Variants in ALG8 observed in about 807,000 individuals in gnomAD.
ALG8 encodes ALG8 alpha-1,3-glucosyltransferase.
In ALG8, 48 loss-of-function variants were observed where a neutral mutation model predicts 70.2. The observed-to-expected ratio is 0.68, with a 90% CI of 0.54 to 0.87. The LOEUF (loss-of-function observed/expected upper bound fraction) is 0.87, where lower values mean the gene tolerates loss of function less well. Among genes scored for constraint, ALG8 ranks in the 40% least tolerant of loss-of-function variants. ALG8 has a pLI of 0.00. For missense variants in ALG8, 572 were observed against 608.7 expected (o/e 0.94, Z 0.64); for synonymous variants, 234 against 229.0 (o/e 1.02, Z -0.20).
chr11:78,123,928 T>G, intron 3 of ALG8, 93 bp downstream of exon 3: 1 of 1,390,058 alleles, frequency 7.2e-7, no homozygotes. Context: ...CATATAAACT[T>G]TGTTCCTCCT....
At chr11:78,116,848 A>G (rs536295162) in intron 5 of ALG8, among the ~76,000 whole-genome samples, 29 of 152,342 alleles carry the variant, frequency 1.9e-4, no homozygotes, top group African/African-American at 6.0e-4. Flanking sequence ...TCCTTCTCTC[A>G]TCAGGTGCGG....
At chr11:78,128,612 C>CA (rs1555073435) in intron 1 of ALG8, among the ~76,000 whole-genome samples, 1 of 137,906 alleles carries the variant, frequency 7.3e-6, no homozygotes, top group Non-Finnish European at 1.6e-5. Flanking sequence ...TCCCAAATTA[C>CA]TTTTTTTTTT....
intron 1 of ALG8, among the ~76,000 whole-genome samples, chr11:78,137,804 AGT>A (rs1861612090): frequency 6.6e-6 from 1 of 152,218 alleles, no homozygotes; most frequent in African/African-American, 2.4e-5. Flanking sequence ...GCAATGAAAA[AGT>A]GTGAAATATT....
At chr11:78,114,416 T>A (rs1220664888) in intron 5 of ALG8, 24 bp from the exon 6 acceptor site, 2 of 1,612,774 alleles carry the variant, frequency 1.2e-6, no homozygotes, top group South Asian at 1.1e-5. Flanking sequence ...AAGGGAAATA[T>A]CACTTTAAAA....
At chr11:78,135,525 A>C (rs1248126735) in intron 1 of ALG8, among the ~76,000 whole-genome samples, 1 of 151,858 alleles carries the variant, frequency 6.6e-6, no homozygotes, top group Admixed American at 6.6e-5. Flanking sequence ...CGGCCTGAGC[A>C]ACACAGTGAC....
intron 8 of ALG8, among the ~76,000 whole-genome samples, chr11:78,112,000 G>A (rs1860310324): frequency 6.6e-6 from 1 of 152,122 alleles, no homozygotes; most frequent in African/African-American, 2.4e-5. Context: ...GGCCAGGCAT[G>A]GTGGCTTGTG....
At chr11:78,126,247 C>G (rs573238837) in intron 2 of ALG8, among the ~76,000 whole-genome samples, 207 of 150,656 alleles carry the variant, frequency 1.4e-3, no homozygotes, top group Non-Finnish European at 1.4e-3. Flanking sequence ...AACAAAAATA[C>G]AAGCTGGGTG....
chr11:78,131,939 C>A (rs1396062069), intron 1 of ALG8, among the ~76,000 whole-genome samples: 1 of 152,224 alleles, frequency 6.6e-6, no homozygotes, highest in Non-Finnish European at 1.5e-5. Flanking sequence ...TAACTGGCCT[C>A]TGCCCTCTGG....
At chr11:78,139,326 GC>G (rs2136958828) in intron 1 of ALG8, 167 bp downstream of exon 1, 1 of 704,866 alleles carries the variant, frequency 1.4e-6, no homozygotes, top group African/African-American at 1.8e-5. Context: ...GCCAGCTGGG[GC>G]TAAGTCAAGT....
At chr11:78,111,729 T>C (rs1322033221) in intron 8 of ALG8, among the ~76,000 whole-genome samples, 2 of 152,344 alleles carry the variant, frequency 1.3e-5, no homozygotes, top group Middle Eastern at 3.4e-3. Flanking sequence ...CCACCACTCT[T>C]GATCATGCCA....
At chr11:78,119,787 C>T (rs1860740426) in intron 4 of ALG8, among the ~76,000 whole-genome samples, 1 of 152,120 alleles carries the variant, frequency 6.6e-6, no homozygotes, top group African/African-American at 2.4e-5. Flanking sequence ...CTGAAGCAAA[C>T]ACCATAGTCA....
chr11:78,110,364 G>T (rs1030145651), intron 8 of ALG8, among the ~76,000 whole-genome samples: 1 of 152,082 alleles, frequency 6.6e-6, no homozygotes, highest in Middle Eastern at 3.2e-3. Context: ...GCTAATTTTT[G>T]TATTTTTAGT....
intron 12 of ALG8, chr11:78,103,550 C>T (rs1859889290): frequency 6.4e-6 from 1 of 155,708 alleles, no homozygotes; most frequent in African/African-American, 2.4e-5. Flanking sequence ...ATAGCTTGAA[C>T]CCGGTAGGCG....
At chr11:78,113,840 A>G in intron 7 of ALG8, 46 bp downstream of exon 7, 1 of 1,426,064 alleles carries the variant, frequency 7.0e-7, no homozygotes, top group East Asian at 2.4e-5. Flanking sequence ...TCTAAACACC[A>G]ACAAAGAACA....
intron 1 of ALG8, among the ~76,000 whole-genome samples, chr11:78,130,231 C>A (rs1231575394): frequency 2.0e-5 from 3 of 150,816 alleles, no homozygotes; most frequent in Non-Finnish European, 4.4e-5. Context: ...CCCCTGTAGT[C>A]CCAGCTACTC....
chr11:78,108,353 T>C (rs1163501213), intron 9 of ALG8, among the ~76,000 whole-genome samples: 1 of 151,902 alleles, frequency 6.6e-6, no homozygotes, highest in East Asian at 1.9e-4. Flanking sequence ...GCGCCTGTAA[T>C]CCCAGCTACT....
At chr11:78,119,866 C>G (rs2136917299) in intron 4 of ALG8, among the ~76,000 whole-genome samples, 1 of 152,218 alleles carries the variant, frequency 6.6e-6, no homozygotes, top group Admixed American at 6.5e-5. Context: ...TTTTGGGAGG[C>G]TGACATGGGC....
intron 1 of ALG8, 82 bp downstream of exon 1, chr11:78,139,412 C>T: frequency 7.5e-7 from 1 of 1,332,062 alleles, no homozygotes; most frequent in Non-Finnish European, 1.1e-6. Flanking sequence ...TCTTCATACC[C>T]AGGGATATCC....
At position 78,112,650 on chromosome 11, in the gene ALG8, C is replaced by T. The variant is rs758154434; in HGVS notation, c.898G>A (p.Gly300Ser). 2.0e-5 allele frequency: 32 copies of T among 1,613,432 alleles called. No individual in the cohort carries two copies. The highest frequency in any genetic ancestry group is 4.0e-5 in the African/African-American group (3 of 74,874). ...NALDKVLSVI[G>S]LKLKFLDPNN... ...GAGTAAAAAATGCTCGCTACCATAC[C>T]GATGACAGACAGCACTTTGTCCAAA... is the stretch of plus-strand genomic sequence containing the variant. Residue 300 changes from glycine (G) to serine (S), a missense_variant and splice_region_variant, in exon 8 of 13, where the codon GGT becomes AGT. By Grantham distance (56) the Gly-to-Ser change is moderately conservative (BLOSUM62 0). Transcript: ENST00000299626.
Sources: gnomAD v4.1 joint callset for allele counts (sites outside exome capture counted in the v4.1 genomes callset) on GRCh38, gnomAD v4.1.1 for gene constraint, MANE v1.5 for transcripts, NCBI Gene and HGNC (gene_info 2026-07-23, HGNC 2026-07-21) for gene names.